DISP1: variants seen among roughly 807,000 people sequenced by gnomAD.
DISP1 encodes protein dispatched homolog 1.
In DISP1, 30 loss-of-function variants were observed where a neutral mutation model predicts 37.3. The ratio of observed to expected loss-of-function variants is 0.80; its 90% CI spans 0.60 to 1.09. The LOEUF (loss-of-function observed/expected upper bound fraction) is 1.09. Among genes scored for constraint, DISP1 ranks in the 50% least tolerant of loss-of-function variants. The probability of loss-of-function intolerance (pLI) is 0.00; values close to 1 mark genes in which losing one functional copy is unlikely to be tolerated. For synonymous variants in DISP1, 634 were observed against 690.2 expected, an observed-to-expected ratio of 0.92 and a Z score of 1.28; for missense variants, 1,598 against 1,879.5, an observed-to-expected ratio of 0.85 and a Z score of 2.77.
chr1:222,967,335 TA>T (rs1299510417), intron 3 of DISP1, among the ~76,000 whole-genome samples: 2 of 152,110 alleles, frequency 1.3e-5, no homozygotes, highest in Non-Finnish European at 2.9e-5. Context: ...GTTTGGTACT[TA>T]AGAGCAGAAA....
intron 3 of DISP1, among the ~76,000 whole-genome samples, chr1:222,978,961 T>C (rs1459341593): frequency 6.6e-6 from 1 of 152,150 alleles, no homozygotes; most frequent in Non-Finnish European, 1.5e-5. Context: ...GCATGATGCC[T>C]CCAGCTTTGT....
chr1:222,816,148 A>G (rs969627731), intron 1 of DISP1, among the ~76,000 whole-genome samples: 4 of 151,098 alleles, frequency 2.6e-5, no homozygotes, highest in Admixed American at 6.6e-5. Context: ...TGATAACCCA[A>G]GATCTGTTGT....
At chr1:222,883,332 A>T (rs911547954) in intron 1 of DISP1, among the ~76,000 whole-genome samples, 3 of 152,242 alleles carry the variant, frequency 2.0e-5, no homozygotes, top group African/African-American at 7.2e-5. Context: ...TTTTCAAAAT[A>T]AAGATGGCTG....
chr1:222,957,937 A>G (rs1415832305), intron 3 of DISP1, among the ~76,000 whole-genome samples: 2 of 152,230 alleles, frequency 1.3e-5, no homozygotes, highest in Non-Finnish European at 2.9e-5. Flanking sequence ...GTTCCAGTTT[A>G]TAGGATTTTT....
chr1:222,980,633 A>G (rs1053437916), intron 3 of DISP1, among the ~76,000 whole-genome samples: 6 of 152,234 alleles, frequency 3.9e-5, no homozygotes, highest in Non-Finnish European at 7.3e-5. Flanking sequence ...TTATGGAGAT[A>G]TGAATACAAA....
intron 4 of DISP1, among the ~76,000 whole-genome samples, chr1:222,984,857 G>A (rs1476487718): frequency 1.3e-5 from 2 of 152,120 alleles, no homozygotes; most frequent in Admixed American, 6.5e-5. Flanking sequence ...TTTGACTGCT[G>A]TAAGTACCTC....
At chr1:222,907,975 G>T (rs148787503) in intron 1 of DISP1, among the ~76,000 whole-genome samples, 70 of 152,180 alleles carry the variant, frequency 4.6e-4, no homozygotes, top group African/African-American at 1.6e-3. Context: ...ATAAAATAAA[G>T]ATTTGATTAT....
chr1:222,949,981 C>T (rs1572599265), intron 3 of DISP1, among the ~76,000 whole-genome samples: 1 of 152,204 alleles, frequency 6.6e-6, no homozygotes, highest in Non-Finnish European at 1.5e-5. Flanking sequence ...TGAGGCAAGA[C>T]TTATACCAAC....
intron 1 of DISP1, among the ~76,000 whole-genome samples, chr1:222,880,235 T>C (rs1001460847): frequency 6.6e-6 from 1 of 152,186 alleles, no homozygotes; most frequent in Non-Finnish European, 1.5e-5. Context: ...CTCAGTTATA[T>C]TTTAAAAAGA....
intron 1 of DISP1, among the ~76,000 whole-genome samples, chr1:222,910,238 C>T (rs980628198): frequency 6.6e-6 from 1 of 152,038 alleles, no homozygotes; most frequent in Admixed American, 6.5e-5. Flanking sequence ...TGGTGTGTAC[C>T]TGTAGTCCCA....
chr1:222,860,269 G>T (rs1466041536), intron 1 of DISP1, among the ~76,000 whole-genome samples: 2 of 152,104 alleles, frequency 1.3e-5, no homozygotes, highest in Non-Finnish European at 2.9e-5. Flanking sequence ...GGTCAGGCTG[G>T]TCTTGAACTC....
intron 2 of DISP1, among the ~76,000 whole-genome samples, chr1:222,941,155 T>C (rs536057907): frequency 6.6e-6 from 1 of 152,284 alleles, no homozygotes; most frequent in African/African-American, 2.4e-5. Flanking sequence ...CTGGATCACA[T>C]TAGTGCTCTT....
intron 1 of DISP1, among the ~76,000 whole-genome samples, chr1:222,881,219 C>T (rs1023788843): frequency 6.6e-6 from 1 of 151,782 alleles, no homozygotes; most frequent in Admixed American, 6.6e-5. Context: ...TTTTGAGACA[C>T]AGTTTTGCTC....
intron 7 of DISP1, among the ~76,000 whole-genome samples, chr1:222,992,671 C>T (rs1281525405): frequency 6.6e-6 from 1 of 152,012 alleles, no homozygotes; most frequent in African/African-American, 2.4e-5. Flanking sequence ...TTGAATGCCT[C>T]AGGGGCCTGG....
chr1:222,923,500 G>C (rs984439533), intron 1 of DISP1, among the ~76,000 whole-genome samples: 2 of 152,122 alleles, frequency 1.3e-5, no homozygotes, highest in Non-Finnish European at 2.9e-5. Context: ...CAGGAAAAAG[G>C]GTTGGACACT....
chr1:222,859,964 CAT>C (rs1476029260), intron 1 of DISP1, among the ~76,000 whole-genome samples: 1 of 152,170 alleles, frequency 6.6e-6, no homozygotes, highest in South Asian at 2.1e-4. Flanking sequence ...TGAGAAAAGG[CAT>C]AGAAAAACTA....
At chr1:222,912,640 C>T (rs941165419) in intron 1 of DISP1, among the ~76,000 whole-genome samples, 1 of 152,032 alleles carries the variant, frequency 6.6e-6, no homozygotes, top group Non-Finnish European at 1.5e-5. Flanking sequence ...GCCTTGGTTT[C>T]CTCATTTGTT....
At chr1:222,989,848 G>A (rs1476847370) in intron 4 of DISP1, among the ~76,000 whole-genome samples, 4 of 151,180 alleles carry the variant, frequency 2.6e-5, no homozygotes, top group African/African-American at 9.7e-5. Flanking sequence ...TGTCGCCCAG[G>A]CTGGAGTGCA....
At chr1:222,984,329 C>T (rs1263388608) in intron 4 of DISP1, among the ~76,000 whole-genome samples, 1 of 145,956 alleles carries the variant, frequency 6.9e-6, no homozygotes, top group East Asian at 2.0e-4. Context: ...ACCTCTTGAG[C>T]TTAGGAAGCA....
Sources: gnomAD v4.1 joint callset for allele counts (sites outside exome capture counted in the v4.1 genomes callset) on GRCh38, gnomAD v4.1.1 for gene constraint, MANE v1.5 for transcripts, NCBI Gene and HGNC (gene_info 2026-07-23, HGNC 2026-07-21) for gene names.